The following CD80 variants were observed in gnomAD, a reference collection of about 807,000 sequenced individuals.
CD80 encodes T-lymphocyte activation antigen CD80.
In CD80, 13 loss-of-function variants were observed where a neutral mutation model predicts 27.1. The ratio of observed to expected loss-of-function variants is 0.48; its 90% CI spans 0.31 to 0.76. The LOEUF is 0.76. Ranked by LOEUF, CD80 falls within the 30% of genes least tolerant of loss-of-function variation. CD80 has a pLI of 0.04. For missense variants in CD80, 277 were observed against 347.9 expected (o/e 0.80, Z 1.62); for synonymous variants, 125 against 125.5 (o/e 1.00, Z 0.03).
At chr3:119,553,299 G>T (rs942194866) in intron 2 of CD80, among the ~76,000 whole-genome samples, 2 of 151,746 alleles carry the variant, frequency 1.3e-5, no homozygotes, top group African/African-American at 4.8e-5. Context: ...GCCACCTTGT[G>T]TGGTTAATTT....
intron 1 of CD80, 27 bp from the exon 2 acceptor site, chr3:119,557,955 T>A: frequency 2.8e-6 from 1 of 356,678 alleles, no homozygotes; most frequent in Non-Finnish European, 5.0e-6. Context: ...TAAAAGTCAT[T>A]CAGGAAGGAA....
At position 119,524,340 on chromosome 3, in the gene CD80, C is replaced by G. The variant is rs564384116; in HGVS notation, c.*1448G>C. 6.6e-6 allele frequency: 1 copy of G among 152,320 alleles called. No homozygotes were observed. The highest frequency in any genetic ancestry group is 2.1e-4 in the South Asian group (1 of 4,826). The allele number at this position is 152,320 out of a possible 1,614,324, so 9.4% of individuals were successfully genotyped here. A position where few individuals can be genotyped will look rare whatever the true frequency, so the allele number is the denominator to read the frequency against. On this transcript the variant is annotated 3_prime_UTR_variant, in exon 7 of 7. Coordinates refer to ENST00000264246, the MANE Select transcript of CD80 (RefSeq NM_005191.4). ...TTGTTTCTTCCCTTAGTATTGCTGA[C>G]AAAGTATCTGCTGTAGAATACAGGA...
At chr3:119,532,042 C>T (rs911576093) in intron 4 of CD80, among the ~76,000 whole-genome samples, 4 of 152,174 alleles carry the variant, frequency 2.6e-5, no homozygotes, top group East Asian at 1.9e-4. Context: ...ACTTCTGTGA[C>T]ACCACATCCT....
intron 4 of CD80, among the ~76,000 whole-genome samples, chr3:119,535,840 G>A (rs1424214896): frequency 1.3e-5 from 2 of 152,026 alleles, no homozygotes; most frequent in African/African-American, 4.8e-5. Context: ...AATCCCTAAG[G>A]GCAGTTCCAA....
chr3:119,527,518 C>A, intron 6 of CD80: 2 of 464,376 alleles, frequency 4.3e-6, no homozygotes, highest in Non-Finnish European at 3.8e-6. Flanking sequence ...TTCAAGATGG[C>A]AGAATGGAAA....
chr3:119,548,648 A>G (rs2082213601), intron 2 of CD80, among the ~76,000 whole-genome samples: 1 of 151,976 alleles, frequency 6.6e-6, no homozygotes, highest in Non-Finnish European at 1.5e-5. Flanking sequence ...TTGTTTACCG[A>G]TTTCTTCAGT....
intron 2 of CD80, 54 bp from the exon 3 acceptor site, chr3:119,544,921 C>T (rs1388912645): frequency 9.8e-5 from 141 of 1,435,532 alleles, no homozygotes; most frequent in Non-Finnish European, 1.3e-4. Flanking sequence ...CAGATTCCTG[C>T]ATGGTCAGGA....
intron 2 of CD80, among the ~76,000 whole-genome samples, chr3:119,546,249 T>C (rs1452762604): frequency 6.6e-6 from 1 of 152,192 alleles, no homozygotes; most frequent in Non-Finnish European, 1.5e-5. Context: ...CTGACTAAGG[T>C]TCTGGGTACA....
intron 5 of CD80, among the ~76,000 whole-genome samples, chr3:119,528,124 C>T (rs1251672446): frequency 6.6e-6 from 1 of 152,096 alleles, no homozygotes; most frequent in African/African-American, 2.4e-5. Flanking sequence ...CACAGAACAG[C>T]ACTCCAAAAC....
chr3:119,559,140 G>T (rs112894943), intron 1 of CD80, among the ~76,000 whole-genome samples: 80 of 152,278 alleles, frequency 5.3e-4, no homozygotes, highest in African/African-American at 1.7e-3. Flanking sequence ...GAGCTCAAGC[G>T]ATTTTCCCAC....
chr3:119,545,045 T>G (rs552780079), intron 2 of CD80, among the ~76,000 whole-genome samples, 178 bp from the exon 3 acceptor site: 7 of 152,244 alleles, frequency 4.6e-5, no homozygotes, highest in African/African-American at 1.4e-4. Flanking sequence ...TTAAAAATTG[T>G]GGTAAAAAAC....
At chr3:119,554,998 A>C (rs1481677385) in intron 2 of CD80, among the ~76,000 whole-genome samples, 1 of 152,244 alleles carries the variant, frequency 6.6e-6, no homozygotes, top group Non-Finnish European at 1.5e-5. Flanking sequence ...ACTGAAACTC[A>C]AAGTGTATGG....
chr3:119,544,248 C>T (rs920024110), intron 3 of CD80: 14 of 377,320 alleles, frequency 3.7e-5, no homozygotes, highest in African/African-American at 2.4e-4. Context: ...CAGTTAGTAG[C>T]AAGGCTACAT....
At chr3:119,544,301 C>G in intron 3 of CD80, 1 of 517,910 alleles carries the variant, frequency 1.9e-6, no homozygotes, top group Middle Eastern at 5.1e-4. Context: ...CTCTTTAGGT[C>G]ATTATAGTGC....
chr3:119,553,700 T>C (rs1051535337), intron 2 of CD80, among the ~76,000 whole-genome samples: 1 of 152,202 alleles, frequency 6.6e-6, no homozygotes, highest in Non-Finnish European at 1.5e-5. Flanking sequence ...TGACACAACA[T>C]CTTTTAACTC....
chr3:119,554,647 T>A (rs1362497357), intron 2 of CD80, among the ~76,000 whole-genome samples: 1 of 152,142 alleles, frequency 6.6e-6, no homozygotes, highest in African/African-American at 2.4e-5. Context: ...ACCTCTGCCA[T>A]GGTGTGGCAG....
chr3:119,535,326 C>T (rs1338984305), intron 4 of CD80, among the ~76,000 whole-genome samples: 1 of 152,088 alleles, frequency 6.6e-6, no homozygotes, highest in Non-Finnish European at 1.5e-5. Flanking sequence ...TTAAGACATG[C>T]CATATAGTAT....
chr3:119,527,176 A>G (rs1464747791), intron 6 of CD80, among the ~76,000 whole-genome samples: 2 of 152,218 alleles, frequency 1.3e-5, no homozygotes, highest in African/African-American at 4.8e-5. Flanking sequence ...TAGACTGAAG[A>G]GATCAGCTGG....
intron 3 of CD80, among the ~76,000 whole-genome samples, chr3:119,542,987 T>C (rs2082178740): frequency 6.6e-6 from 1 of 152,102 alleles, no homozygotes; most frequent in Admixed American, 6.6e-5. Context: ...TCATCTGATC[T>C]TGTGGCCCCC....
Sources: allele counts gnomAD v4.1 joint callset (sites outside exome capture counted in the v4.1 genomes callset), GRCh38; gene constraint gnomAD v4.1.1; transcripts MANE v1.5; gene names NCBI Gene and HGNC (gene_info 2026-07-23, HGNC 2026-07-21).